SIRPG: variants seen among roughly 807,000 people sequenced by gnomAD.
The protein encoded by SIRPG is signal regulatory protein gamma, also known as signal-regulatory protein gamma.
Under a neutral mutation model 35.7 loss-of-function variants are expected in SIRPG, and 38 were observed. The observed-to-expected ratio is 1.06, with a 90% CI of 0.82 to 1.40. SIRPG has a LOEUF of 1.40. SIRPG is among the 40% of genes most tolerant of loss of function. The pLI, the probability that SIRPG is intolerant of heterozygous loss-of-function variation, is 0.00. For synonymous variants in SIRPG, 215 were observed against 190.4 expected, an observed-to-expected ratio of 1.13 and a Z score of -1.06; for missense variants, 519 against 483.0, an observed-to-expected ratio of 1.07 and a Z score of -0.70.
the SIRPG span, among the ~76,000 whole-genome samples, chr20:1,671,432 A>G: frequency 6.6e-6 from 1 of 152,210 alleles, no homozygotes; most frequent in African/African-American, 2.4e-5. Flanking sequence ...CAATCTGGGC[A>G]CAGGAACAAA....
chr20:1,663,327 A>T, the SIRPG span, among the ~76,000 whole-genome samples: 9 of 151,936 alleles, frequency 5.9e-5, no homozygotes, highest in East Asian at 1.4e-3. Flanking sequence ...CTCAAAAAAT[A>T]AAAAAAAATC....
chr20:1,683,862 G>A, the SIRPG span, among the ~76,000 whole-genome samples: 2 of 151,994 alleles, frequency 1.3e-5, no homozygotes, highest in African/African-American at 4.8e-5. Flanking sequence ...CCAGCTACTC[G>A]GGAGGCTGAA....
intron 3 of SIRPG, among the ~76,000 whole-genome samples, chr20:1,635,857 G>A (rs1403498249): frequency 6.6e-6 from 1 of 152,150 alleles, no homozygotes; most frequent in African/African-American, 2.4e-5. Context: ...ACAACCCCTG[G>A]CATGCAGTTG....
At chr20:1,684,796 G>T in the SIRPG span, among the ~76,000 whole-genome samples, 1 of 152,176 alleles carries the variant, frequency 6.6e-6, no homozygotes, top group African/African-American at 2.4e-5. Flanking sequence ...CCCTCTGCCT[G>T]ACTCCTTGTT....
At chr20:1,645,077 A>C (rs1488728913) in intron 2 of SIRPG, among the ~76,000 whole-genome samples, 2 of 152,044 alleles carry the variant, frequency 1.3e-5, no homozygotes, top group Non-Finnish European at 2.9e-5. Flanking sequence ...GCTTTTTTAG[A>C]TACACACGTT....
At position 1,635,506 on chromosome 20, in the gene SIRPG, A is replaced by G; in HGVS notation, c.842T>C (p.Leu281Pro). Residue 281 changes from leucine (L) to proline (P), a missense_variant, in exon 4 of 6, where the codon CTA becomes CCA. Transcript: ENST00000303415. ...TCCATTCTCCGACCAGGTCAGCTGT[A>G]GGCTCTGGGGGTAGAACTTCCTCAC... ...CQVRKFYPQSLQLTWSENGNV... is the reference protein window; with the variant it reads ...CQVRKFYPQSPQLTWSENGNV... 9 of 1,614,162 alleles carry G rather than the reference A, an allele frequency of 5.6e-6. No individual in the cohort carries two copies. The highest frequency in any genetic ancestry group is 7.6e-6 in the Non-Finnish European group (9 of 1,179,996).
intron 4 of SIRPG, among the ~76,000 whole-genome samples, chr20:1,632,033 T>C (rs2091754988): frequency 6.6e-6 from 1 of 151,898 alleles, no homozygotes; most frequent in Non-Finnish European, 1.5e-5. Context: ...ATTAAAAGAG[T>C]AGCAGAATCA....
chr20:1,677,771 C>T, the SIRPG span, among the ~76,000 whole-genome samples: 1 of 152,034 alleles, frequency 6.6e-6, no homozygotes, highest in African/African-American at 2.4e-5. Context: ...GGGTGAAGTG[C>T]AGGGAGGTAA....
At chr20:1,640,241 A>T (rs2091841536) in intron 2 of SIRPG, among the ~76,000 whole-genome samples, 1 of 152,158 alleles carries the variant, frequency 6.6e-6, no homozygotes, top group Non-Finnish European at 1.5e-5. Flanking sequence ...ATCCATGAGC[A>T]TGGAATGTTT....
At chr20:1,674,914 T>A in the SIRPG span, among the ~76,000 whole-genome samples, 2 of 152,194 alleles carry the variant, frequency 1.3e-5, no homozygotes, top group African/African-American at 2.4e-5. Context: ...TGCCTCCTTG[T>A]CCTCCATGTG....
At chr20:1,637,903 T>C (rs1159308658) in intron 2 of SIRPG, among the ~76,000 whole-genome samples, 1 of 152,158 alleles carries the variant, frequency 6.6e-6, no homozygotes, top group Non-Finnish European at 1.5e-5. Context: ...GTCTCCAAAT[T>C]GCTAATTATT....
the SIRPG span, among the ~76,000 whole-genome samples, chr20:1,679,416 G>A: frequency 6.6e-6 from 1 of 152,126 alleles, no homozygotes; most frequent in Admixed American, 6.5e-5. Context: ...CTCCTCTGCT[G>A]TGACCTAGTA....
chr20:1,671,589 A>G, the SIRPG span, among the ~76,000 whole-genome samples: 1 of 152,202 alleles, frequency 6.6e-6, no homozygotes, highest in Non-Finnish European at 1.5e-5. Context: ...CATAGAAAGT[A>G]TAGAGGTGTG....
the SIRPG span, among the ~76,000 whole-genome samples, chr20:1,666,834 A>G: frequency 6.6e-5 from 10 of 152,124 alleles, no homozygotes; most frequent in African/African-American, 7.2e-5. Context: ...ATTTTAAAAA[A>G]TATTTTTAAA....
At chr20:1,686,090 T>C in the SIRPG span, among the ~76,000 whole-genome samples, 3 of 152,220 alleles carry the variant, frequency 2.0e-5, no homozygotes, top group Non-Finnish European at 4.4e-5. Flanking sequence ...AATGAAATAT[T>C]ATTTTTAAAA....
intron 2 of SIRPG, chr20:1,646,677 T>C (rs6043514): frequency 0.88 from 133,916 of 152,950 alleles, 58,926 homozygotes; most frequent in African/African-American, 0.96. Flanking sequence ...GATGGAGTTT[T>C]GCTCTTGTTG....
chr20:1,674,191 A>G, the SIRPG span, among the ~76,000 whole-genome samples: 1 of 151,448 alleles, frequency 6.6e-6, no homozygotes, highest in African/African-American at 2.4e-5. Context: ...ATTTTTTTTT[A>G]GGAGGGAGCC....
Position 1,636,421 on chromosome 20 carries a change from C to T in SIRPG, c.515G>A (p.Gly172Asp), listed in dbSNP as rs749913117. Residue 172 changes from glycine to aspartate, a missense_variant, in exon 3 of 6, where the codon GGC (glycine) becomes GAC (aspartate). Transcript: ENST00000303415. Reference sequence around the variant, plus strand: ...CAGGGTGATGTCTCTGGGAGAGAAGCCATGGGACTCACAGGTGAAACTCAC... The same window carrying T: ...CAGGGTGATGTCTCTGGGAGAGAAGTCATGGGACTCACAGGTGAAACTCAC... ...HTVSFTCESHGFSPRDITLKW... is the reference protein window; with the variant it reads ...HTVSFTCESHDFSPRDITLKW... 1.9e-6 allele frequency: 3 copies of T among 1,614,104 alleles called. No individual in the cohort carries two copies. The highest frequency in any genetic ancestry group is 2.2e-5 in the East Asian group (1 of 44,896).
chr20:1,649,857 T>C (rs2091927624), intron 1 of SIRPG, among the ~76,000 whole-genome samples: 1 of 150,656 alleles, frequency 6.6e-6, no homozygotes, highest in Admixed American at 6.6e-5. Context: ...TTGCCCTTAC[T>C]TGAGTGCAAG....
Sources: allele counts gnomAD v4.1 joint callset (sites outside exome capture counted in the v4.1 genomes callset), GRCh38; gene constraint gnomAD v4.1.1; transcripts MANE v1.5; gene names NCBI Gene and HGNC (gene_info 2026-07-23, HGNC 2026-07-21).